Variants in CEP78 observed in about 807,000 individuals in gnomAD.
CEP78 encodes centrosomal protein of 78 kDa.
A neutral mutation model predicts 81.2 loss-of-function variants in CEP78; 76 were observed. That is an observed-to-expected ratio of 0.94 (90% CI 0.78 to 1.13). CEP78 has a LOEUF of 1.13. Ranked by LOEUF, CEP78 falls within the 50% of genes most tolerant of loss-of-function variation. The pLI is 0.00. For missense variants in CEP78, 918 were observed against 846.8 expected (o/e 1.08, Z -1.04); for synonymous variants, 293 against 301.4 (o/e 0.97, Z 0.29).
At chr9:78,241,205 A>G (rs1357438200) in intron 3 of CEP78, among the ~76,000 whole-genome samples, 1 of 151,950 alleles carries the variant, frequency 6.6e-6, no homozygotes, top group Admixed American at 6.6e-5. Context: ...GGGTAAGGAA[A>G]CCTGCATTTC....
Position 78,251,950 on chromosome 9 carries a change from C to T in CEP78, c.1112C>T (p.Ser371Phe), listed in dbSNP as rs1490301286. The T allele has an allele frequency of 6.2e-7, 1 of 1,608,318 alleles. No homozygotes were observed. Among genetic ancestry groups the T allele is most frequent in the Non-Finnish European group, 8.5e-7 (1 of 1,176,168 alleles). The change falls in exon 9 of 17, where the codon TCC becomes TTC. Residue 371 changes from serine (S) to phenylalanine (F), a missense_variant. Transcript: ENST00000643273. ...KKPVSSGRKH[S>F]LGKEYYAPAP... Reference sequence around the variant, plus strand: ...CCTGTAAGTAGTGGCAGAAAACACTCCCTTGGTAAAGAATATTATGCGCCC... The same window carrying T: ...CCTGTAAGTAGTGGCAGAAAACACTTCCTTGGTAAAGAATATTATGCGCCC...
At chr9:78,266,197 C>CT (rs953340542) in intron 15 of CEP78, among the ~76,000 whole-genome samples, 36 of 146,316 alleles carry the variant, frequency 2.5e-4, no homozygotes, top group African/African-American at 3.0e-4. Flanking sequence ...GAATAAGGTT[C>CT]TTTTTTTTTT....
chr9:78,273,812 A>G lies in CEP78; in HGVS notation c.*2961A>G, dbSNP rs1394509357. 2 of 152,256 alleles carry G rather than the reference A, an allele frequency of 1.3e-5. No homozygotes were observed. Among genetic ancestry groups the G allele is most frequent in the African/African-American group, 4.8e-5 (2 of 41,462 alleles). The allele number at this position is 152,256 out of a possible 1,614,324, so 9.4% of individuals were successfully genotyped here. On this transcript the variant is annotated 3_prime_UTR_variant, in exon 17 of 17. Coordinates refer to ENST00000643273, the MANE Select transcript of CEP78 (RefSeq NM_001330691.3). ...TTTAGAAATACAAGGAAAAATGGCC[A>G]GCCAGTTATAACAAGAAGCTTTAAG...
At position 78,236,201 on chromosome 9, in the gene CEP78, TCCGACCGAATCA is replaced by T. The variant is rs1825918173; in HGVS notation, c.-146_-135del. ...AGCTTGGGGCTCTGGCCTTGCGTCT[TCCGACCGAATCA>T]CCGCTCCTGAGCCCGGTGCGGGGCT... On this transcript the variant is annotated 5_prime_UTR_variant, in exon 1 of 17. Transcript: ENST00000643273. 15 of 679,052 alleles carry T rather than the reference TCCGACCGAATCA, an allele frequency of 2.2e-5. No individual in the cohort carries two copies. The highest frequency in any genetic ancestry group is 3.1e-5 in the Non-Finnish European group (13 of 420,128). The allele number at this position is 679,052 out of a possible 1,614,324, so 42.1% of individuals were successfully genotyped here.
chr9:78,257,434 A>G (rs1442313750), intron 11 of CEP78, among the ~76,000 whole-genome samples: 8 of 152,196 alleles, frequency 5.3e-5, no homozygotes, highest in African/African-American at 1.9e-4. Flanking sequence ...GTCCCGCAAA[A>G]TGAGGGTATA....
rs1006013260 is a variant in CEP78 at position 78,276,337 on chromosome 9, T to C, written c.*5486T>C. The C allele has an allele frequency of 3.3e-5, 5 of 152,176 alleles. No homozygotes were observed. Among genetic ancestry groups the C allele is most frequent in the Non-Finnish European group, 2.9e-5 (2 of 68,020 alleles). The allele number at this position is 152,176 out of a possible 1,614,324, so 9.4% of individuals were successfully genotyped here. The stretch of plus-strand genomic sequence containing the variant: ...TCTGGTATTCTTAACAATCTCGAAA[T>C]AGAAGGAAACTTCCTTAGCTTAGCT... On this transcript the variant is annotated 3_prime_UTR_variant, in exon 17 of 17. Transcript: ENST00000643273.
chr9:78,263,524 T>C (rs548090911), intron 12 of CEP78, among the ~76,000 whole-genome samples: 1 of 152,180 alleles, frequency 6.6e-6, no homozygotes, highest in Non-Finnish European at 1.5e-5. Context: ...TTTTTGAAAG[T>C]ATATGCATTG....
Position 78,270,859 on chromosome 9 carries a change from G to A in CEP78, c.*8G>A. 1 of 689,898 alleles carries A rather than the reference G, an allele frequency of 1.4e-6. No individual in the cohort carries two copies. The highest frequency in any genetic ancestry group is 2.6e-6 in the Non-Finnish European group (1 of 377,394). The allele number at this position is 689,898 out of a possible 1,614,324, so 42.7% of individuals were successfully genotyped here. ...CTTCTAGAATCCCATTGAAATGACTGGAGAAATATTAAAATAAAAATAATA... is the reference window on the plus strand; with the variant it reads ...CTTCTAGAATCCCATTGAAATGACTAGAGAAATATTAAAATAAAAATAATA... On this transcript the variant is annotated 3_prime_UTR_variant, in exon 17 of 17. Transcript: ENST00000643273.
At chr9:78,241,623 G>A in intron 3 of CEP78, 73 bp from the exon 4 acceptor site, 1 of 659,802 alleles carries the variant, frequency 1.5e-6, no homozygotes, top group Non-Finnish European at 2.6e-6. Context: ...TATAAGAAGA[G>A]CAAATAAATC....
rs368565537 is a variant in CEP78 at position 78,268,974 on chromosome 9, G to A, written c.2108-1867G>A. Reference sequence around the variant, plus strand: ...CCTGGCCGCAGGTTTCTTTACAGTAGTACTTCTCAAGGGTGCTAGAGGCTA... The same window carrying A: ...CCTGGCCGCAGGTTTCTTTACAGTAATACTTCTCAAGGGTGCTAGAGGCTA... On this transcript the variant is annotated intron_variant, in intron 16 of 16. Transcript: ENST00000643273. Among the ~76,000 whole-genome samples, 283 of 152,210 alleles carry A rather than the reference G, an allele frequency of 1.9e-3. 2 individuals carry two copies. The highest frequency in any genetic ancestry group is 6.3e-3 in the African/African-American group (262 of 41,546).
At position 78,275,139 on chromosome 9, in the gene CEP78, G is replaced by A. The variant is rs752511536; in HGVS notation, c.*4288G>A. The A allele has an allele frequency of 4.6e-5, 7 of 152,130 alleles. No individual in the cohort carries two copies. The highest frequency in any genetic ancestry group is 7.4e-5 in the Non-Finnish European group (5 of 68,018). The allele number at this position is 152,130 out of a possible 1,614,324, so 9.4% of individuals were successfully genotyped here. ...AACTAGAAGAGATATTTTTAATTAT[G>A]AGCACTTTTATAATTTACTATAAAT... is the stretch of plus-strand genomic sequence containing the variant. On this transcript the variant is annotated 3_prime_UTR_variant, in exon 17 of 17. Transcript: ENST00000643273.
rs1165099676 is a variant in CEP78, at chr9:78,279,060, T to G, written c.*8209T>G. On this transcript the variant is annotated 3_prime_UTR_variant, in exon 17 of 17. Transcript: ENST00000643273. ...ACAGTTTGTACATTTTAAACCACTG[T>G]GAACTGAAAAAAAAAAAAAAGGCAA... The G allele has an allele frequency of 8.5e-6, 1 of 117,420 alleles. No homozygotes were observed. Among genetic ancestry groups the G allele is most frequent in the Non-Finnish European group, 1.7e-5 (1 of 60,536 alleles). 7.3% of individuals were successfully genotyped at this position (117,420 alleles called of 1,614,324 possible).
chr9:78,264,350 C>G (rs1827416288), intron 13 of CEP78, 34 bp downstream of exon 13: 5 of 1,595,452 alleles, frequency 3.1e-6, no homozygotes, highest in Non-Finnish European at 4.3e-6. Context: ...ATTCGTCCCT[C>G]CATGACTTTA....
intron 1 of CEP78, among the ~76,000 whole-genome samples, chr9:78,236,944 G>A (rs1825972839): frequency 7.0e-6 from 1 of 143,038 alleles, no homozygotes; most frequent in Non-Finnish European, 1.5e-5. Context: ...AAGCAGGTAG[G>A]AAATTAATAC....
chr9:78,265,804 A>C, intron 14 of CEP78, 55 bp from the exon 15 acceptor site: 1 of 912,448 alleles, frequency 1.1e-6, no homozygotes, highest in Non-Finnish European at 1.8e-6. Context: ...AGATTAGAGA[A>C]ATGATTTTCA....
At chr9:78,264,029 A>C in intron 12 of CEP78, 121 bp from the exon 13 acceptor site, 1 of 654,298 alleles carries the variant, frequency 1.5e-6, no homozygotes. Flanking sequence ...CTTTACTGGT[A>C]GAGAGTTAGA....
At chr9:78,265,929 T>C (rs1827508329) in intron 15 of CEP78, 23 bp downstream of exon 15, 1 of 1,160,336 alleles carries the variant, frequency 8.6e-7, no homozygotes, top group East Asian at 2.6e-5. Context: ...ATATAGATAA[T>C]TTTTCAGAAT....
intron 8 of CEP78, among the ~76,000 whole-genome samples, chr9:78,251,335 G>A (rs1410893641): frequency 1.3e-5 from 2 of 152,152 alleles, no homozygotes; most frequent in Admixed American, 1.3e-4. Flanking sequence ...TTACAACTTG[G>A]ATAGTTTTTA....
In CEP78 at chr9:78,243,452, A is replaced by T. The variant is rs997068006; in HGVS notation, c.604-10A>T. 1.9e-6 allele frequency: 3 copies of T among 1,608,036 alleles called. No individual in the cohort carries two copies. The highest frequency in any genetic ancestry group is 2.5e-6 in the Non-Finnish European group (3 of 1,177,240). On this transcript the variant is annotated splice_polypyrimidine_tract_variant and intron_variant, in intron 4 of 16. Coordinates refer to ENST00000643273, the MANE Select transcript of CEP78 (RefSeq NM_001330691.3). ...AAGTGTATTAATTTCATCTTATTAA[A>T]TCTTTGAAGTATCAGACCATGAGAA...
Sources: allele counts gnomAD v4.1 joint callset (sites outside exome capture counted in the v4.1 genomes callset), GRCh38; gene constraint gnomAD v4.1.1; transcripts MANE v1.5; gene names NCBI Gene and HGNC (gene_info 2026-07-23, HGNC 2026-07-21).